PKD1L1: variants seen among roughly 807,000 people sequenced by gnomAD.
The protein encoded by PKD1L1 is polycystin-1-like protein 1.
In PKD1L1, 236 loss-of-function variants were observed where a neutral mutation model predicts 323.4. That is an observed-to-expected ratio of 0.73 (90% CI 0.66 to 0.81). PKD1L1 has a LOEUF of 0.81. Among genes scored for constraint, PKD1L1 ranks in the 40% least tolerant of loss-of-function variants. The pLI, the probability that PKD1L1 is intolerant of heterozygous loss-of-function variation, is 0.00. For missense variants in PKD1L1, 3,320 were observed against 3,508.0 expected (o/e 0.95, Z 1.35); for synonymous variants, 1,344 against 1,335.0 (o/e 1.01, Z -0.15).
chr7:47,869,668 A>G (rs1786239207), intron 24 of PKD1L1, among the ~76,000 whole-genome samples: 1 of 152,208 alleles, frequency 6.6e-6, no homozygotes, highest in Non-Finnish European at 1.5e-5. Context: ...ACTGTCAATA[A>G]TGGATAGAAC....
At chr7:47,828,667 T>C (rs915489174) in intron 44 of PKD1L1, among the ~76,000 whole-genome samples, 1 of 151,356 alleles carries the variant, frequency 6.6e-6, no homozygotes, top group African/African-American at 2.4e-5. Context: ...GCATAATGAC[T>C]AGTACATAGC....
Position 47,833,072 on chromosome 7 carries a change from G to C in PKD1L1, c.6337+18C>G, listed in dbSNP as rs1477804878. 2 of 1,601,686 alleles carry C rather than the reference G, an allele frequency of 1.2e-6. No individual in the cohort carries two copies. The highest frequency in any genetic ancestry group is 2.3e-5 in the South Asian group (2 of 88,714). On this transcript the variant is annotated intron_variant, in intron 41 of 56. Transcript: ENST00000289672. ...CTGGACTGGCAGGAAGGGGGCTGTG[G>C]TTGCAAGCCACAGTTACCTTGAGTG...
Position 47,841,395 on chromosome 7 carries a change from T to C in PKD1L1, c.5446-828A>G, listed in dbSNP as rs138597370. 3.4e-4 allele frequency among the ~76,000 whole-genome samples: 52 copies of C among 152,314 alleles called. 1 individual carries two copies. The highest frequency in any genetic ancestry group is 1.1e-3 in the African/African-American group (44 of 41,568). On this transcript the variant is annotated intron_variant, in intron 34 of 56. Transcript: ENST00000289672. ...GCTACAGTTTCAAAATAAGCCTGGATATCGAGTTGGGAGGCCCCTGCCTTG... is the reference window on the plus strand; with the variant it reads ...GCTACAGTTTCAAAATAAGCCTGGACATCGAGTTGGGAGGCCCCTGCCTTG...
intron 7 of PKD1L1, among the ~76,000 whole-genome samples, chr7:47,921,821 T>C (rs1379368269): frequency 6.6e-6 from 1 of 152,150 alleles, no homozygotes; most frequent in African/African-American, 2.4e-5. Context: ...TTCTCACTTA[T>C]AAGTGAGAGC....
Position 47,839,677 on chromosome 7 carries a change from A to G in PKD1L1, c.5553-15T>C, listed in dbSNP as rs374990834. 4 of 1,556,332 alleles carry G rather than the reference A, an allele frequency of 2.6e-6. No individual in the cohort carries two copies. In the African/African-American group the frequency reaches 4.1e-5, roughly 16 times the overall value. On this transcript the variant is annotated splice_polypyrimidine_tract_variant and intron_variant, in intron 35 of 56. Transcript: ENST00000289672. This position sits in a 1 kb window ranked among gnomAD's most constrained non-coding sequence, Gnocchi z 4.3. ...GGGCAGGAGCGCTGGAGGCACACACAGCAGCATCTCAGCCGGGTGGGTGAC... is the reference window on the plus strand; with the variant it reads ...GGGCAGGAGCGCTGGAGGCACACACGGCAGCATCTCAGCCGGGTGGGTGAC...
At chr7:47,784,088 A>G (rs1786755343) in intron 56 of PKD1L1, among the ~76,000 whole-genome samples, 1 of 152,212 alleles carries the variant, frequency 6.6e-6, no homozygotes, top group South Asian at 2.1e-4. Flanking sequence ...AAAGGGATTA[A>G]CAATAATATT....
chr7:47,927,225 A>AT (rs1787671818), intron 7 of PKD1L1, among the ~76,000 whole-genome samples: 1 of 152,110 alleles, frequency 6.6e-6, no homozygotes, highest in African/African-American at 2.4e-5. Flanking sequence ...AAAAAAAACT[A>AT]TAAGTAAAAC....
At chr7:47,785,646 C>G (rs1786788894) in intron 56 of PKD1L1, among the ~76,000 whole-genome samples, 1 of 152,264 alleles carries the variant, frequency 6.6e-6, no homozygotes, top group East Asian at 1.9e-4. Flanking sequence ...AGTTGCTCAA[C>G]CCTCAGACCT....
intron 33 of PKD1L1, among the ~76,000 whole-genome samples, chr7:47,843,961 G>A (rs559143934): frequency 1.2e-4 from 18 of 152,278 alleles, no homozygotes; most frequent in African/African-American, 3.9e-4. Context: ...GATAGAGCCT[G>A]TTCAGAGCTC....
At chr7:47,788,579 T>A (rs4724643) in intron 56 of PKD1L1, among the ~76,000 whole-genome samples, 19,949 of 70,350 alleles carry the variant, frequency 0.28, 1,548 homozygotes, top group East Asian at 0.47. Context: ...ATATATATAT[T>A]TTTTTTTTTT....
rs78056455 is a variant in PKD1L1 at position 47,864,314 on chromosome 7, A to T, written c.4149+902T>A. On this transcript the variant is annotated intron_variant, in intron 26 of 56. Coordinates refer to ENST00000289672, the MANE Select transcript of PKD1L1 (RefSeq NM_138295.5). Reference sequence around the variant, plus strand: ...GGCCATAGTTAGATTCACAGACTGGAGGTAGATGAGAGAATGATGCGTGCT... The same window carrying T: ...GGCCATAGTTAGATTCACAGACTGGTGGTAGATGAGAGAATGATGCGTGCT... Among the ~76,000 whole-genome samples the T allele has an allele frequency of 9.9e-5, 15 of 152,256 alleles. No homozygotes were observed. The East Asian group carries it at 2.9e-3, about 30-fold the overall frequency.
chr7:47,927,372 G>A (rs1177604136), intron 7 of PKD1L1, among the ~76,000 whole-genome samples: 1 of 151,868 alleles, frequency 6.6e-6, no homozygotes, highest in East Asian at 1.9e-4. Flanking sequence ...TCCACCTCCC[G>A]GGTTCAAGCA....
At chr7:47,879,363 T>C (rs111343799) in intron 21 of PKD1L1, among the ~76,000 whole-genome samples, 54,615 of 151,688 alleles carry the variant, frequency 0.36, 11,107 homozygotes, top group African/African-American at 0.56. Flanking sequence ...TGCGGTGGCT[T>C]ATGACTGCAA....
chr7:47,830,168 C>T, intron 42 of PKD1L1, 44 bp from the exon 43 acceptor site: 1 of 1,520,776 alleles, frequency 6.6e-7, no homozygotes, highest in Non-Finnish European at 9.1e-7. Context: ...TCTAAGGGAG[C>T]AGGCCACCCA....
intron 51 of PKD1L1, 45 bp from the exon 52 acceptor site, chr7:47,808,432 G>T: frequency 6.2e-7 from 1 of 1,608,176 alleles, no homozygotes; most frequent in Non-Finnish European, 8.5e-7. Context: ...CCTGAGGAAG[G>T]GCTTACCTGG....
At position 47,932,068 on chromosome 7, in the gene PKD1L1, G is replaced by A; in HGVS notation, c.399-12C>T. The A allele has an allele frequency of 1.3e-6, 2 of 1,595,076 alleles. No individual in the cohort carries two copies. Among genetic ancestry groups the A allele is most frequent in the South Asian group, 1.1e-5 (1 of 88,452 alleles). On this transcript the variant is annotated splice_polypyrimidine_tract_variant and intron_variant, in intron 4 of 56. Transcript: ENST00000289672. ...GTTTGTGGGGAATTCTGTATGGGAA[G>A]GAAAGTGCAGAAAGAAAAGGAAACC...
chr7:47,775,275 T>A (rs1786542776), intron 56 of PKD1L1, 109 bp from the exon 57 acceptor site: 1 of 1,212,026 alleles, frequency 8.3e-7, no homozygotes, highest in Non-Finnish European at 1.2e-6. Context: ...AACACCACCA[T>A]CAGCTAACTT....
At chr7:47,805,745 C>T (rs992730833) in intron 52 of PKD1L1, among the ~76,000 whole-genome samples, 9 of 152,206 alleles carry the variant, frequency 5.9e-5, no homozygotes, top group Non-Finnish European at 8.8e-5. Flanking sequence ...CCCAGGACCC[C>T]AAGACCAGAG....
chr7:47,841,782 A>AT (rs1271964392), intron 34 of PKD1L1, among the ~76,000 whole-genome samples: 1 of 152,056 alleles, frequency 6.6e-6, no homozygotes, highest in Non-Finnish European at 1.5e-5. Flanking sequence ...GCACCCCACC[A>AT]TTTTTTACTG....
Sources: allele counts gnomAD v4.1 joint callset (sites outside exome capture counted in the v4.1 genomes callset), GRCh38; gene constraint gnomAD v4.1.1; non-coding constraint Gnocchi (gnomAD v3.1); transcripts MANE v1.5; gene names NCBI Gene and HGNC (gene_info 2026-07-23, HGNC 2026-07-21).